NTMT2: variants seen among roughly 807,000 people sequenced by gnomAD.
The protein encoded by NTMT2 is X-Pro-Lys N-terminal protein methyltransferase 1B.
NTMT2 carries 21 observed loss-of-function variants against 23.4 expected under a neutral mutation model. That is an observed-to-expected ratio of 0.90 (90% confidence interval 0.64 to 1.29). The LOEUF is 1.29. Ranked by LOEUF, NTMT2 falls within the 50% of genes most tolerant of loss-of-function variation. The pLI is 0.00. For missense variants in NTMT2, 336 were observed against 352.0 expected, an observed-to-expected ratio of 0.95 and a Z score of 0.36; for synonymous variants, 131 against 127.7, an observed-to-expected ratio of 1.03 and a Z score of -0.17.
At chr1:170,152,304 C>A (rs1312980096) in intron 1 of NTMT2, among the ~76,000 whole-genome samples, 3 of 152,136 alleles carry the variant, frequency 2.0e-5, no homozygotes, top group East Asian at 3.9e-4. Flanking sequence ...TGAGTCAAAT[C>A]TCATCATGAA....
chr1:170,153,955 G>A (rs1289833204), intron 1 of NTMT2, among the ~76,000 whole-genome samples: 1 of 152,168 alleles, frequency 6.6e-6, no homozygotes, highest in Non-Finnish European at 1.5e-5. Flanking sequence ...TCTCATCACA[G>A]ACCCAGTAGT....
intron 2 of NTMT2, among the ~76,000 whole-genome samples, chr1:170,163,630 G>A (rs1673316548): frequency 6.6e-6 from 1 of 152,038 alleles, no homozygotes; most frequent in South Asian, 2.1e-4. Context: ...TAAAAAATCT[G>A]GGTCTACTAA....
Position 170,167,905 on chromosome 1 carries a change from CAT to C in NTMT2, c.*149_*150del. 2 of 826,026 alleles carry C rather than the reference CAT, an allele frequency of 2.4e-6. No individual in the cohort carries two copies. The highest frequency in any genetic ancestry group is 3.8e-5 in the South Asian group (2 of 52,956). The allele number at this position is 826,026 out of a possible 1,614,324, so 51.2% of individuals were successfully genotyped here. A position where few individuals can be genotyped will look rare whatever the true frequency, so the allele number is the denominator to read the frequency against. On this transcript the variant is annotated 3_prime_UTR_variant, in exon 4 of 4. Transcript: ENST00000439373. The stretch of plus-strand genomic sequence containing the variant: ...CAAATTATTTGTGATATAATATGTA[CAT>C]GTTTTCAGTGATTATATAATGCACA...
intron 1 of NTMT2, among the ~76,000 whole-genome samples, chr1:170,156,967 G>C (rs1048584695): frequency 6.6e-6 from 1 of 152,130 alleles, no homozygotes; most frequent in African/African-American, 2.4e-5. Context: ...GCTTTGGTTG[G>C]ATCAAGAGAG....
intron 1 of NTMT2, among the ~76,000 whole-genome samples, chr1:170,154,227 C>T (rs964841254): frequency 1.3e-5 from 2 of 152,058 alleles, no homozygotes; most frequent in African/African-American, 4.8e-5. Flanking sequence ...TCCTGGGCAC[C>T]CAAGCAGAAG....
chr1:170,150,145 C>G (rs1306037590), intron 1 of NTMT2, among the ~76,000 whole-genome samples: 1 of 152,218 alleles, frequency 6.6e-6, no homozygotes, highest in Admixed American at 6.5e-5. Context: ...TAACCAGACT[C>G]TTTGATTCCT....
chr1:170,162,851 C>A (rs1459733287), intron 2 of NTMT2, among the ~76,000 whole-genome samples: 1 of 135,554 alleles, frequency 7.4e-6, no homozygotes, highest in African/African-American at 2.8e-5. Flanking sequence ...CTGAAAAAAT[C>A]CCTGCTTTAT....
intron 1 of NTMT2, among the ~76,000 whole-genome samples, chr1:170,154,784 A>T (rs868862025): frequency 2.0e-5 from 3 of 152,196 alleles, no homozygotes; most frequent in Middle Eastern, 6.8e-3. Context: ...TGAGAAGGGA[A>T]TTTGAAATGT....
At chr1:170,160,898 T>C (rs1673262851) in intron 2 of NTMT2, among the ~76,000 whole-genome samples, 1 of 152,310 alleles carries the variant, frequency 6.6e-6, no homozygotes, top group East Asian at 1.9e-4. Context: ...ACCCTCCCAC[T>C]TGGCATTTCA....
chr1:170,154,800 G>A (rs776308250), intron 1 of NTMT2, among the ~76,000 whole-genome samples: 8 of 152,070 alleles, frequency 5.3e-5, no homozygotes, highest in Non-Finnish European at 7.4e-5. Context: ...AATGTGAGAA[G>A]GACAAGAGAT....
chr1:170,152,085 G>C (rs1673081091), intron 1 of NTMT2, among the ~76,000 whole-genome samples: 1 of 152,100 alleles, frequency 6.6e-6, no homozygotes, highest in African/African-American at 2.4e-5. Context: ...CAAAAAGCTA[G>C]CTTTTATTCA....
In NTMT2 at chr1:170,166,621, C is replaced by G; in HGVS notation, c.450C>G (p.Ser150=). 1.3e-6 allele frequency: 2 copies of G among 1,551,866 alleles called. No homozygotes were observed. The highest frequency in any genetic ancestry group is 1.7e-6 in the Non-Finnish European group (2 of 1,147,016). Residue 150 remains serine, a synonymous_variant, in exon 3 of 4, where the codon TCC becomes TCG. Coordinates refer to ENST00000439373, the MANE Select transcript of NTMT2 (RefSeq NM_001136107.2). ...NSVELVDMME[S]FLLEAQNYLQ... Reference sequence around the variant, plus strand: ...TGGAGCTGGTGGATATGATGGAATCCTTTCTCCTTGAAGCCCAGAACTACC... The same window carrying G: ...TGGAGCTGGTGGATATGATGGAATCGTTTCTCCTTGAAGCCCAGAACTACC...
rs912248024 is a variant in NTMT2, at chr1:170,160,529, G to A, written c.166G>A (p.Ala56Thr). 15 of 1,534,056 alleles carry A rather than the reference G, an allele frequency of 9.8e-6. No homozygotes were observed. Among genetic ancestry groups the A allele is most frequent in the African/African-American group, 5.6e-5 (4 of 71,938 alleles). ...TGTTTCATTTGCAGTGAAATTGTAC[G>A]CTTTAACAAGCCAAGTCATCAATGG... ...LEKIPLVKLY[A>T]LTSQVINGEM... The change falls in exon 2 of 4, where the codon GCT (alanine) becomes ACT (threonine). Residue 56 changes from alanine to threonine, a missense_variant. By Grantham distance (58) the Ala-to-Thr change is moderately conservative (BLOSUM62 0). Coordinates refer to ENST00000439373, the MANE Select transcript of NTMT2 (RefSeq NM_001136107.2).
chr1:170,163,725 T>C lies in NTMT2; in HGVS notation c.331-2777T>C, dbSNP rs1673318020. Among the ~76,000 whole-genome samples the C allele has an allele frequency of 2.6e-5, 4 of 152,364 alleles. No individual in the cohort carries two copies. In the South Asian group the frequency reaches 8.3e-4, roughly 32 times the overall value. On this transcript the variant is annotated intron_variant, in intron 2 of 3. Transcript: ENST00000439373. ...ACTCCACTGGATAAACCTAAAATAA[T>C]GTTCTTCAAAACAAAATACATAGGC...
At chr1:170,158,088 A>G (rs1460451488) in intron 1 of NTMT2, 1 of 152,112 alleles carries the variant, frequency 6.6e-6, no homozygotes, top group Non-Finnish European at 1.5e-5. Flanking sequence ...TATAGCTTCA[A>G]GAAACTTCTG....
intron 2 of NTMT2, among the ~76,000 whole-genome samples, chr1:170,162,086 T>A (rs1673284840): frequency 6.6e-6 from 1 of 152,082 alleles, no homozygotes; most frequent in Admixed American, 6.5e-5. Context: ...CGAGACTCCA[T>A]CTCAAACAAA....
intron 1 of NTMT2, among the ~76,000 whole-genome samples, chr1:170,151,905 A>T (rs1048307887): frequency 1.4e-4 from 21 of 152,190 alleles, no homozygotes; most frequent in Admixed American, 2.6e-4. Context: ...AGTATTACAT[A>T]TAAACATGTT....
chr1:170,153,035 A>T (rs2102232690), intron 1 of NTMT2, among the ~76,000 whole-genome samples: 1 of 152,036 alleles, frequency 6.6e-6, no homozygotes, highest in South Asian at 2.1e-4. Context: ...GTGGCACTTC[A>T]CCCCACCTTT....
Position 170,146,083 on chromosome 1 carries a change from G to C in NTMT2, c.-25G>C, listed in dbSNP as rs772311330. On this transcript the variant is annotated 5_prime_UTR_variant, in exon 1 of 4. An upstream open reading frame in the 5' UTR loses its in-frame stop. Coordinates refer to ENST00000439373, the MANE Select transcript of NTMT2 (RefSeq NM_001136107.2). ...GCAAGGCAAGCTTCCTTTCTCTGTA[G>C]GAATCATTATTATCCCCCTTTGTCA... 47 of 1,542,376 alleles carry C rather than the reference G, an allele frequency of 3.0e-5. No homozygotes were observed. Among genetic ancestry groups the C allele is most frequent in the Non-Finnish European group, 4.4e-6 (5 of 1,142,932 alleles).
Sources: gnomAD v4.1 joint callset for allele counts (sites outside exome capture counted in the v4.1 genomes callset) on GRCh38, gnomAD v4.1.1 for gene constraint, MANE v1.5 for transcripts, NCBI Gene and HGNC (gene_info 2026-07-23, HGNC 2026-07-21) for gene names.